WDR46: variants seen among roughly 807,000 people sequenced by gnomAD.
WDR46 encodes the protein WD repeat domain 46.
WDR46 carries 58 observed loss-of-function variants against 74.7 expected under a neutral mutation model. The observed-to-expected ratio is 0.78, with a 90% CI of 0.63 to 0.97. The LOEUF is 0.97. Among genes scored for constraint, WDR46 ranks in the 50% least tolerant of loss-of-function variants. The probability of loss-of-function intolerance (pLI) is 0.00; values close to 1 mark genes in which losing one functional copy is unlikely to be tolerated. For synonymous variants in WDR46, 278 were observed against 297.3 expected, an observed-to-expected ratio of 0.93 and a Z score of 0.67; for missense variants, 702 against 790.1, an observed-to-expected ratio of 0.89 and a Z score of 1.34.
chr6:33,288,998 A>G lies in WDR46; in HGVS notation c.85T>C (p.Trp29Arg). The change falls in exon 2 of 15, where the codon TGG becomes CGG. Residue 29 changes from tryptophan to arginine, a missense_variant. Physicochemically the swap from Trp to Arg is moderately radical, Grantham distance 101 (BLOSUM62 -3). Coordinates refer to ENST00000374617, the MANE Select transcript of WDR46 (RefSeq NM_005452.6). ...QTKRKKPRRY[W>R]EEETVPTTAG... is the part of the protein sequence containing the mutation. The stretch of plus-strand genomic sequence containing the variant: ...GTGGTCGGAACGGTCTCTTCCTCCC[A>G]GTATCGCCGCGGTTTCTACAGGCAC... 1.2e-6 allele frequency: 2 copies of G among 1,613,970 alleles called. No individual in the cohort carries two copies. Among genetic ancestry groups the G allele is most frequent in the Non-Finnish European group, 1.7e-6 (2 of 1,179,962 alleles).
rs754813490 is a variant in WDR46, at chr6:33,287,443, T to C, written c.791A>G (p.Asn264Ser). Residue 264 changes from asparagine to serine, a missense_variant, in exon 8 of 15, where the codon AAT (asparagine) becomes AGT (serine). Transcript: ENST00000374617. ...GATACAGTGGAGCTCAATGCCCTGA[T>C]TGTCATAGATGTGGAGCCAGCGGTT... ...AQNRWLHIYD[N>S]QGIELHCIRR... is the part of the protein sequence containing the mutation. 6.2e-7 allele frequency: 1 copy of C among 1,612,454 alleles called. No individual in the cohort carries two copies.
At chr6:33,288,566 A>T (rs776673741) in intron 3 of WDR46, 48 bp downstream of exon 3, 4 of 1,610,468 alleles carry the variant, frequency 2.5e-6, no homozygotes, top group African/African-American at 2.7e-5. Flanking sequence ...CAACTCACCC[A>T]GACACTCCCT....
intron 10 of WDR46, among the ~76,000 whole-genome samples, chr6:33,283,981 C>T (rs866300797): frequency 1.3e-5 from 2 of 151,984 alleles, no homozygotes; most frequent in African/African-American, 4.8e-5. Context: ...CAGTGGCTCA[C>T]GCCTGTAATC....
chr6:33,283,060 T>C (rs1404594103), intron 10 of WDR46, among the ~76,000 whole-genome samples: 2 of 152,004 alleles, frequency 1.3e-5, no homozygotes, highest in Non-Finnish European at 2.9e-5. Context: ...AATACAAAAA[T>C]TAGCCGGGTG....
At chr6:33,285,139 C>A (rs1766500915) in intron 10 of WDR46, among the ~76,000 whole-genome samples, 1 of 152,150 alleles carries the variant, frequency 6.6e-6, no homozygotes, top group Admixed American at 6.5e-5. Context: ...AAAATGTTAA[C>A]CTCAAAAAGA....
At chr6:33,283,730 T>C (rs1488870407) in intron 10 of WDR46, among the ~76,000 whole-genome samples, 3 of 151,928 alleles carry the variant, frequency 2.0e-5, no homozygotes, top group Non-Finnish European at 4.4e-5. Context: ...CAAAACCCCA[T>C]CTCTACTAAA....
intron 10 of WDR46, among the ~76,000 whole-genome samples, chr6:33,283,846 C>T (rs563702239): frequency 2.0e-5 from 3 of 152,108 alleles, no homozygotes; most frequent in East Asian, 1.9e-4. Flanking sequence ...TGTAATGAAC[C>T]GAGATCGCGC....
intron 10 of WDR46, among the ~76,000 whole-genome samples, chr6:33,282,536 T>C (rs1766276148): frequency 6.6e-6 from 1 of 152,130 alleles, no homozygotes; most frequent in Non-Finnish European, 1.5e-5. Flanking sequence ...CAGTTCGGCT[T>C]TGAGAAGTCA....
chr6:33,287,665 G>T lies in WDR46; in HGVS notation c.677C>A (p.Thr226Lys). The T allele has an allele frequency of 6.2e-7, 1 of 1,613,928 alleles. No homozygotes were observed. The highest frequency in any genetic ancestry group is 8.5e-7 in the Non-Finnish European group (1 of 1,179,992). Reference sequence around the variant, plus strand: ...GTTGATCTCGCACATAAGCTTCTTTGTTACCCAATCAAGGGCAGCCACATG... The same window carrying T: ...GTTGATCTCGCACATAAGCTTCTTTTTTACCCAATCAAGGGCAGCCACATG... Reference protein sequence around the residue: ...RGHVAALDWVTKKLMCEINVM... With the variant: ...RGHVAALDWVKKKLMCEINVM... Residue 226 changes from threonine (T) to lysine (K), a missense_variant, in exon 7 of 15, where the codon ACA becomes AAA. Thr to Lys is a moderately conservative substitution (Grantham distance 78, BLOSUM62 -1). Coordinates refer to ENST00000374617, the MANE Select transcript of WDR46 (RefSeq NM_005452.6).
chr6:33,288,444 T>C lies in WDR46; in HGVS notation c.387A>G (p.Arg129=). 6.2e-7 allele frequency: 1 copy of C among 1,614,152 alleles called. No homozygotes were observed. Residue 129 remains arginine, a synonymous_variant, in exon 4 of 15, where the codon CGA becomes CGG. Coordinates refer to ENST00000374617, the MANE Select transcript of WDR46 (RefSeq NM_005452.6). ...CAGCTTCAGCCACCTCAAGTCGGCT[T>C]CGAGTTTTGGCTTTAGAATGTGGTA... ...RKLPHSKAKT[R]SRLEVAEAEE...
rs749913793 is a variant in WDR46 at position 33,287,434 on chromosome 6, A to G, written c.800T>C (p.Ile267Thr). The G allele has an allele frequency of 6.2e-7, 1 of 1,612,746 alleles. No individual in the cohort carries two copies. Among genetic ancestry groups the G allele is most frequent in the Non-Finnish European group, 8.5e-7 (1 of 1,179,796 alleles). Residue 267 changes from isoleucine (I) to threonine (T), a missense_variant, in exon 8 of 15, where the codon ATT (isoleucine) becomes ACT (threonine). Coordinates refer to ENST00000374617, the MANE Select transcript of WDR46 (RefSeq NM_005452.6). ...RWLHIYDNQGIELHCIRRCDR... is the reference protein window; with the variant it reads ...RWLHIYDNQGTELHCIRRCDR... ...ACAGCGGCGGATACAGTGGAGCTCA[A>G]TGCCCTGATTGTCATAGATGTGGAG...
chr6:33,279,498 C>A lies in WDR46; in HGVS notation c.1733G>T (p.Arg578Met). ...RKRKVMDEEH[R>M]DKVRQSLQQQ... The stretch of plus-strand genomic sequence containing the variant: ...CGGCCCATGCCAATGCTCATTTACC[C>A]TGTGTTCCTCATCCATGACCTTCCT... Residue 578 changes from arginine (R) to methionine (M), a missense_variant and splice_region_variant, in exon 14 of 15, where the codon AGG becomes ATG. Coordinates refer to ENST00000374617, the MANE Select transcript of WDR46 (RefSeq NM_005452.6). 6.2e-7 allele frequency: 1 copy of A among 1,612,876 alleles called. No homozygotes were observed. Among genetic ancestry groups the A allele is most frequent in the Non-Finnish European group, 8.5e-7 (1 of 1,180,038 alleles).
At chr6:33,282,161 C>A (rs1196892354) in intron 10 of WDR46, among the ~76,000 whole-genome samples, 1 of 152,128 alleles carries the variant, frequency 6.6e-6, no homozygotes, top group Admixed American at 6.6e-5. Context: ...GGGGGACCAG[C>A]CAGGTAGGGG....
chr6:33,288,658 CA>C lies in WDR46; in HGVS notation c.315del (p.Val106TrpfsTer86). The C allele has an allele frequency of 6.2e-7, 1 of 1,609,340 alleles. No individual in the cohort carries two copies. The highest frequency in any genetic ancestry group is 8.5e-7 in the Non-Finnish European group (1 of 1,178,404). On this transcript the variant is annotated frameshift_variant, in exon 3 of 15. Transcript: ENST00000374617. LOFTEE classifies it high-confidence loss of function. ...QDPFPGPAPV[P>X]VEVVQKFCRI... Reference sequence around the variant, plus strand: ...CGACAGAACTTCTGGACCACTTCCACAGGGACGGGGGCGGGGCCTGGGAATG... The same window carrying C: ...CGACAGAACTTCTGGACCACTTCCACGGGACGGGGGCGGGGCCTGGGAATG...
At position 33,287,707 on chromosome 6, in the gene WDR46, A is replaced by G; in HGVS notation, c.635T>C (p.Phe212Ser). 1 of 1,613,808 alleles carries G rather than the reference A, an allele frequency of 6.2e-7. No homozygotes were observed. ...NYSRTGRHLA[F>S]GGRRGHVAAL... ...AGCCACATGACCTCGGCGCCCTCCA[A>G]AAGCCAGGTGTCTGTTGGAGGTGAG... The change falls in exon 7 of 15, where the codon TTT becomes TCT. Residue 212 changes from phenylalanine (F) to serine (S), a missense_variant. Transcript: ENST00000374617.
At chr6:33,280,276 ACCTTCTCCAGCAGTGGGGAACC>A in intron 12 of WDR46, 130 bp downstream of exon 12, 1 of 684,376 alleles carries the variant, frequency 1.5e-6, no homozygotes, top group Non-Finnish European at 2.5e-6. Flanking sequence ...GGGGAACCTG[ACCTTCTCCAGCAGTGGGGAACC>A]TGACCTTCTC....
intron 4 of WDR46, 30 bp downstream of exon 4, chr6:33,288,328 G>C: frequency 2.5e-6 from 4 of 1,613,464 alleles, no homozygotes; most frequent in Non-Finnish European, 3.4e-6. Flanking sequence ...AAAAGGCAGG[G>C]AATGGGGGTC....
Position 33,280,963 on chromosome 6 carries a change from G to A in WDR46, c.1140C>T (p.Asp380=), listed in dbSNP as rs1161413379. Residue 380 remains aspartate (D), a synonymous_variant, in exon 11 of 15, where the codon GAC becomes GAT. Transcript: ENST00000374617. ...GCAAGTCAAAGATCTTCAGCTGGTGGTCTAGGCCAGAGGTGGCCATGTACC... is the reference window on the plus strand; with the variant it reads ...GCAAGTCAAAGATCTTCAGCTGGTGATCTAGGCCAGAGGTGGCCATGTACC... ...TGTYMATSGL[D]HQLKIFDLRG... 1.2e-6 allele frequency: 2 copies of A among 1,611,526 alleles called. No homozygotes were observed. Among genetic ancestry groups the A allele is most frequent in the African/African-American group, 2.7e-5 (2 of 74,896 alleles).
Position 33,288,860 on chromosome 6 carries a change from C to T in WDR46, c.223G>A (p.Val75Ile), listed in dbSNP as rs547304074. Residue 75 changes from valine (V) to isoleucine (I), a missense_variant, in exon 2 of 15, where the codon GTC (valine) becomes ATC (isoleucine). Physicochemically the swap from Val to Ile is conservative, Grantham distance 29. Transcript: ENST00000374617. ...KKSRISKKPQ[V>I]PKKPREWKNP... ...TTCCATTCTCGGGGTTTCTTCGGGA[C>T]CTGAGGCTTCTTAGAGATCCGAGAC... 9.3e-6 allele frequency: 15 copies of T among 1,614,156 alleles called. No individual in the cohort carries two copies. In the South Asian group the frequency reaches 1.6e-4, roughly 18 times the overall value.
Sources: gnomAD v4.1 joint callset for allele counts (sites outside exome capture counted in the v4.1 genomes callset) on GRCh38, gnomAD v4.1.1 for gene constraint, MANE v1.5 for transcripts, NCBI Gene and HGNC (gene_info 2026-07-23, HGNC 2026-07-21) for gene names.